Variants in DDX46 observed in about 807,000 individuals in gnomAD.
DDX46 encodes the protein probable ATP-dependent RNA helicase DDX46.
In DDX46, 30 loss-of-function variants were observed where a neutral mutation model predicts 134.9. That is an observed-to-expected ratio of 0.22 (90% CI 0.17 to 0.30). The LOEUF (loss-of-function observed/expected upper bound fraction) is 0.30. Ranked by LOEUF, DDX46 falls within the 10% of genes least tolerant of loss-of-function variation. The pLI is 1.00. For synonymous variants in DDX46, 415 were observed against 404.1 expected, an observed-to-expected ratio of 1.03 and a Z score of -0.32; for missense variants, 622 against 1,248.7, an observed-to-expected ratio of 0.50 and a Z score of 7.56.
chr5:134,822,815 G>A (rs578251030), intron 21 of DDX46, among the ~76,000 whole-genome samples: 2 of 152,202 alleles, frequency 1.3e-5, no homozygotes, highest in South Asian at 2.1e-4. Context: ...GGGCTCAAGT[G>A]ATCCTCCTGC....
At chr5:134,828,630 G>A in intron 22 of DDX46, 29 bp from the exon 23 acceptor site, 1 of 1,355,482 alleles carries the variant, frequency 7.4e-7, no homozygotes, top group South Asian at 1.6e-5. Flanking sequence ...TGCTTTCTCT[G>A]ATGACATATC....
rs1488985882 is a variant in DDX46 at position 134,817,618 on chromosome 5, G to C, written c.2736G>C (p.Val912=). The change falls in exon 20 of 23, where the codon GTG becomes GTC. Residue 912 remains valine (V), a synonymous_variant. Coordinates refer to ENST00000452510, the MANE Select transcript of DDX46 (RefSeq NM_001300860.2). ...AEKINAKLNY[V]PLEKQEEERQ... ...AGATCAATGCCAAGCTCAATTATGT[G>C]CCGTTAGAGAAACAAGAAGAAGAGA... The C allele has an allele frequency of 2.5e-6, 4 of 1,614,104 alleles. 1 individual carries two copies. The South Asian group carries it at 4.4e-5, about 18-fold the overall frequency.
chr5:134,811,632 A>G, intron 17 of DDX46, 64 bp from the exon 18 acceptor site: 2 of 1,489,452 alleles, frequency 1.3e-6, no homozygotes, highest in Non-Finnish European at 1.8e-6. Context: ...ATATTTAATT[A>G]GTATGAATTC....
intron 6 of DDX46, among the ~76,000 whole-genome samples, chr5:134,780,367 A>T (rs1163374758): frequency 6.6e-6 from 1 of 150,528 alleles, no homozygotes; most frequent in Non-Finnish European, 1.5e-5. Flanking sequence ...GGAGTTCGAG[A>T]CCAGCCTGCC....
At chr5:134,775,546 G>C (rs1051131082) in intron 5 of DDX46, among the ~76,000 whole-genome samples, 1 of 152,074 alleles carries the variant, frequency 6.6e-6, no homozygotes, top group Admixed American at 6.6e-5. Context: ...GAGTAGCTGG[G>C]ATTACAGGTG....
At chr5:134,760,830 C>G (rs1201900846) in intron 1 of DDX46, among the ~76,000 whole-genome samples, 8 of 151,938 alleles carry the variant, frequency 5.3e-5, no homozygotes, top group Non-Finnish European at 8.8e-5. Context: ...CCAGGGTTCA[C>G]GCCATTCTCC....
intron 1 of DDX46, 122 bp downstream of exon 1, chr5:134,759,077 C>A: frequency 1.4e-6 from 2 of 1,458,526 alleles, no homozygotes; most frequent in Non-Finnish European, 1.8e-6. Context: ...CAGCGCTGCC[C>A]CGCGAGCATT....
At chr5:134,771,813 A>G (rs562709293) in intron 4 of DDX46, among the ~76,000 whole-genome samples, 15 of 152,328 alleles carry the variant, frequency 9.8e-5, no homozygotes, top group African/African-American at 3.1e-4. Context: ...ATTAAATAAT[A>G]TTTACCCCTG....
chr5:134,803,566 GAAAT>G (rs968315060), intron 15 of DDX46, among the ~76,000 whole-genome samples: 3 of 152,168 alleles, frequency 2.0e-5, no homozygotes, highest in Non-Finnish European at 4.4e-5. Flanking sequence ...CAAAGAGTTT[GAAAT>G]AAATAAGTAA....
intron 21 of DDX46, among the ~76,000 whole-genome samples, chr5:134,820,097 T>G (rs954790304): frequency 6.6e-6 from 1 of 151,974 alleles, no homozygotes; most frequent in African/African-American, 2.4e-5. Flanking sequence ...CATTTTTGTA[T>G]TTTTAGTAGA....
chr5:134,818,771 G>T, intron 20 of DDX46, 89 bp from the exon 21 acceptor site: 3 of 1,055,990 alleles, frequency 2.8e-6, no homozygotes, highest in Non-Finnish European at 4.0e-6. Flanking sequence ...ACCATAATAT[G>T]ATATCAGCCA....
rs1198849441 is a variant in DDX46, at chr5:134,763,931, G to A, written c.45G>A (p.Arg15=). 1 of 1,614,018 alleles carries A rather than the reference G, an allele frequency of 6.2e-7. No homozygotes were observed. Among genetic ancestry groups the A allele is most frequent in the African/African-American group, 1.3e-5 (1 of 74,924 alleles). ...SRHYRKRSAS[R]GRSGSRSRSR... ...ACTATCGAAAACGATCGGCATCCCG[G>A]GGTCGCTCTGGAAGTCGGTCTAGAA... The change falls in exon 2 of 23, where the codon CGG becomes CGA. Residue 15 remains arginine, a synonymous_variant. Coordinates refer to ENST00000452510, the MANE Select transcript of DDX46 (RefSeq NM_001300860.2).
chr5:134,764,030 G>A lies in DDX46; in HGVS notation c.144G>A (p.Arg48=). ...RRSRSRDRDR[R]RERSRSRDKR... ...CTAGAAGTAGAGATAGAGATAGGAG[G>A]AGAGAGAGGTCTCGTAGCAGGGATA... Residue 48 remains arginine (R), a synonymous_variant, in exon 2 of 23, where the codon AGG becomes AGA. Transcript: ENST00000452510. 6.2e-7 allele frequency: 1 copy of A among 1,614,206 alleles called. No homozygotes were observed. Among genetic ancestry groups the A allele is most frequent in the South Asian group, 1.1e-5 (1 of 91,082 alleles).
rs532846298 is a variant in DDX46, at chr5:134,803,147, C to G, written c.1955-4601C>G. ...TAGCTGGGATGACAGGTGCGTGCCA[C>G]CACGCCCAGCTAATTTTTGTGTTTT... On this transcript the variant is annotated intron_variant, in intron 15 of 22. Coordinates refer to ENST00000452510, the MANE Select transcript of DDX46 (RefSeq NM_001300860.2). Among the ~76,000 whole-genome samples the G allele has an allele frequency of 3.9e-5, 6 of 152,248 alleles. No homozygotes were observed. In the South Asian group the frequency reaches 1.2e-3, roughly 32 times the overall value.
At chr5:134,820,487 T>G (rs534958170) in intron 21 of DDX46, among the ~76,000 whole-genome samples, 1 of 152,232 alleles carries the variant, frequency 6.6e-6, no homozygotes, top group East Asian at 1.9e-4. Context: ...CTCAGCCTCC[T>G]GGGTAGCTGG....
chr5:134,799,979 G>A (rs112277304), intron 15 of DDX46, among the ~76,000 whole-genome samples: 4,129 of 152,090 alleles, frequency 0.027, 97 homozygotes, highest in Non-Finnish European at 0.042. Context: ...ATGGAATGTC[G>A]CTCTGTCGCC....
chr5:134,816,207 T>C (rs1036940684), intron 18 of DDX46, among the ~76,000 whole-genome samples: 4 of 152,248 alleles, frequency 2.6e-5, no homozygotes, highest in Admixed American at 2.0e-4. Context: ...CTCTGTTTTC[T>C]ATTTTTCTCC....
chr5:134,779,690 G>C (rs899035775), intron 6 of DDX46, among the ~76,000 whole-genome samples: 1 of 150,624 alleles, frequency 6.6e-6, no homozygotes, highest in Non-Finnish European at 1.5e-5. Context: ...GGAATCTCAC[G>C]TGTTACCCAG....
Position 134,800,818 on chromosome 5 carries a change from G to A in DDX46, c.1954+4668G>A, listed in dbSNP as rs367596813. 5.3e-5 allele frequency among the ~76,000 whole-genome samples: 8 copies of A among 152,180 alleles called. No individual in the cohort carries two copies. The East Asian group carries it at 1.4e-3, about 26-fold the overall frequency. On this transcript the variant is annotated intron_variant, in intron 15 of 22. Transcript: ENST00000452510. ...AGCCTCCTAAGTAGCTGGGATTACC[G>A]GCATGTGCCACCTCGTCTCACTAAT...
Sources: gnomAD v4.1 joint callset for allele counts (sites outside exome capture counted in the v4.1 genomes callset) on GRCh38, gnomAD v4.1.1 for gene constraint, MANE v1.5 for transcripts, NCBI Gene and HGNC (gene_info 2026-07-23, HGNC 2026-07-21) for gene names.